Variants in ST18 observed in about 807,000 individuals in gnomAD.
ST18 encodes the protein ST18 C2H2C-type zinc finger transcription factor, also known as suppression of tumorigenicity 18 protein.
ST18 carries 50 observed loss-of-function variants against 110.0 expected under a neutral mutation model. That is an observed-to-expected ratio of 0.45 (90% CI 0.36 to 0.58). ST18 has a LOEUF of 0.58. Ranked by LOEUF, ST18 falls within the 20% of genes least tolerant of loss-of-function variation. The probability of loss-of-function intolerance (pLI) is 0.00; values close to 1 mark genes in which losing one functional copy is unlikely to be tolerated. For synonymous variants in ST18, 461 were observed against 452.4 expected (o/e 1.02, Z -0.24); for missense variants, 1,306 against 1,280.1 (o/e 1.02, Z -0.31).
intron 2 of ST18, among the ~76,000 whole-genome samples, chr8:52,323,908 C>T (rs1032843053): frequency 2.0e-5 from 3 of 152,216 alleles, no homozygotes; most frequent in Non-Finnish European, 4.4e-5. Context: ...TAACTGCAGC[C>T]AGTTGTCTAA....
intron 9 of ST18, among the ~76,000 whole-genome samples, chr8:52,177,568 G>A (rs1055040537): frequency 6.6e-6 from 1 of 152,130 alleles, no homozygotes; most frequent in Non-Finnish European, 1.5e-5. Context: ...AGGGCTGAAG[G>A]CAACTTAGAA....
chr8:52,206,934 A>T (rs1365459833), intron 8 of ST18, among the ~76,000 whole-genome samples: 1 of 152,206 alleles, frequency 6.6e-6, no homozygotes, highest in Non-Finnish European at 1.5e-5. Flanking sequence ...TGATGGACTT[A>T]CGGAAGACTT....
At chr8:52,273,518 C>A (rs775544048) in intron 2 of ST18, among the ~76,000 whole-genome samples, 1 of 152,148 alleles carries the variant, frequency 6.6e-6, no homozygotes, top group Non-Finnish European at 1.5e-5. Flanking sequence ...CACAATTCCC[C>A]ACATCTAAGA....
chr8:52,139,002 T>A (rs866201963), intron 17 of ST18, among the ~76,000 whole-genome samples: 16 of 152,278 alleles, frequency 1.1e-4, no homozygotes, highest in South Asian at 4.1e-4. Context: ...GTTAGAGCAT[T>A]CCCATCTTTC....
At chr8:52,339,657 C>T (rs979385071) in intron 2 of ST18, among the ~76,000 whole-genome samples, 2 of 152,230 alleles carry the variant, frequency 1.3e-5, no homozygotes, top group Non-Finnish European at 2.9e-5. Flanking sequence ...GACGGCTGAG[C>T]TCACTCCTTC....
At chr8:52,221,097 A>ATCTATCTATCTG (rs2086516122) in intron 4 of ST18, among the ~76,000 whole-genome samples, 1 of 143,892 alleles carries the variant, frequency 6.9e-6, no homozygotes, top group African/African-American at 2.7e-5. Flanking sequence ...CTATCTATCT[A>ATCTATCTATCTG]TCTATCTATC....
chr8:52,243,684 C>A (rs1022878038), intron 2 of ST18, among the ~76,000 whole-genome samples: 1 of 152,172 alleles, frequency 6.6e-6, no homozygotes, highest in African/African-American at 2.4e-5. Context: ...CCATGCCTGG[C>A]ACAGTGTAAG....
At chr8:52,287,252 G>A (rs557733624) in intron 2 of ST18, among the ~76,000 whole-genome samples, 3 of 152,246 alleles carry the variant, frequency 2.0e-5, no homozygotes, top group Non-Finnish European at 4.4e-5. Flanking sequence ...CAATACCAAA[G>A]GTTTTGCAAG....
chr8:52,313,571 T>A (rs1252209513), intron 2 of ST18: 3 of 152,464 alleles, frequency 2.0e-5, no homozygotes, highest in African/African-American at 7.2e-5. Flanking sequence ...TATTTTATAT[T>A]TGAGGTAAGA....
intron 2 of ST18, among the ~76,000 whole-genome samples, chr8:52,341,281 G>C (rs1814877092): frequency 6.6e-6 from 1 of 152,188 alleles, no homozygotes; most frequent in Non-Finnish European, 1.5e-5. Flanking sequence ...TCTTCCACCT[G>C]GCTTCCATCA....
At chr8:52,363,104 T>C (rs1004635447) in intron 2 of ST18, among the ~76,000 whole-genome samples, 3 of 152,048 alleles carry the variant, frequency 2.0e-5, no homozygotes, top group African/African-American at 7.2e-5. Flanking sequence ...CACAGCTACT[T>C]GGGAGGCTGA....
intron 8 of ST18, among the ~76,000 whole-genome samples, chr8:52,189,134 C>G (rs2073540766): frequency 6.6e-6 from 1 of 152,088 alleles, no homozygotes; most frequent in Admixed American, 6.5e-5. Context: ...CCTCCTTGCC[C>G]CCAAACAATA....
chr8:52,320,262 A>G (rs879298182), intron 2 of ST18, among the ~76,000 whole-genome samples: 4 of 152,172 alleles, frequency 2.6e-5, no homozygotes, highest in Non-Finnish European at 4.4e-5. Context: ...TATGCCAAGG[A>G]ATGTTTTAGG....
At chr8:52,138,776 A>G (rs576532029) in intron 17 of ST18, among the ~76,000 whole-genome samples, 2 of 152,350 alleles carry the variant, frequency 1.3e-5, no homozygotes, top group South Asian at 4.1e-4. Context: ...AGAGGGGAAC[A>G]TCAACTACAC....
Position 52,149,891 on chromosome 8 carries a change from A to C in ST18, c.1893T>G (p.Thr631=). 1 of 1,614,126 alleles carries C rather than the reference A, an allele frequency of 6.2e-7. No homozygotes were observed. The highest frequency in any genetic ancestry group is 8.5e-7 in the Non-Finnish European group (1 of 1,180,020). ...NRILDKSAPL[T]SSNTSIPTPS... is the part of the protein sequence containing the mutation. ...GAGTTGGAATAGAAGTGTTAGAGGA[A>C]GTTAGGGGTGCAGACTTGTCCAGGA... Residue 631 remains threonine (T), a synonymous_variant, in exon 16 of 26, where the codon ACT becomes ACG. Transcript: ENST00000689386.
At chr8:52,155,309 T>C (rs1353452947) in intron 15 of ST18, among the ~76,000 whole-genome samples, 2 of 152,240 alleles carry the variant, frequency 1.3e-5, no homozygotes, top group African/African-American at 4.8e-5. Context: ...TGTTTTTCCC[T>C]GATTTAATTC....
At chr8:52,269,166 G>A (rs1163496389) in intron 2 of ST18, among the ~76,000 whole-genome samples, 2 of 152,220 alleles carry the variant, frequency 1.3e-5, no homozygotes, top group African/African-American at 2.4e-5. Context: ...GGGCGGCAAT[G>A]ACTTTACACC....
intron 2 of ST18, among the ~76,000 whole-genome samples, chr8:52,390,895 G>A (rs1839106422): frequency 6.6e-6 from 1 of 152,232 alleles, no homozygotes; most frequent in African/African-American, 2.4e-5. Flanking sequence ...TCGGGCAGAG[G>A]CCACTTGGTA....
intron 19 of ST18, among the ~76,000 whole-genome samples, chr8:52,136,388 G>A (rs778967896): frequency 2.1e-4 from 32 of 152,206 alleles, no homozygotes; most frequent in African/African-American, 5.1e-4. Flanking sequence ...ACAAAGCCCC[G>A]GAAGCAAGCA....
Sources: gnomAD v4.1 joint callset for allele counts (sites outside exome capture counted in the v4.1 genomes callset) on GRCh38, gnomAD v4.1.1 for gene constraint, MANE v1.5 for transcripts, NCBI Gene and HGNC (gene_info 2026-07-23, HGNC 2026-07-21) for gene names.